The following TPST2 variants were observed in gnomAD, a reference collection of about 807,000 sequenced individuals.
TPST2 encodes tyrosylprotein sulfotransferase 2.
TPST2 carries 16 observed loss-of-function variants against 27.8 expected under a neutral mutation model. The observed-to-expected ratio is 0.58, with a 90% CI of 0.39 to 0.88. The LOEUF is 0.88. Among genes scored for constraint, TPST2 ranks in the 40% least tolerant of loss-of-function variants. TPST2 has a pLI of 0.00. For synonymous variants in TPST2, 229 were observed against 231.7 expected (o/e 0.99, Z 0.10); for missense variants, 464 against 543.1 (o/e 0.85, Z 1.45).
At chr22:26,548,252 G>T (rs1027438834) in intron 1 of TPST2, among the ~76,000 whole-genome samples, 4 of 150,790 alleles carry the variant, frequency 2.7e-5, no homozygotes, top group African/African-American at 9.8e-5. Flanking sequence ...CGAGGTGGGA[G>T]AATCACTTAA....
At chr22:26,585,983 G>C (rs6005088) in intron 1 of TPST2, among the ~76,000 whole-genome samples, 134,564 of 152,080 alleles carry the variant, frequency 0.88, 59,699 homozygotes, top group East Asian at 0.99. Context: ...GTAGAGCTTG[G>C]AGTGAGCCGA....
At chr22:26,550,731 C>A in intron 1 of TPST2, 1 of 872,726 alleles carries the variant, frequency 1.1e-6, no homozygotes, top group Non-Finnish European at 1.4e-6. Context: ...CTGACCACAC[C>A]AACTCCCACC....
intron 1 of TPST2, among the ~76,000 whole-genome samples, chr22:26,582,095 AAC>A (rs1219444005): frequency 6.6e-6 from 1 of 152,184 alleles, no homozygotes; most frequent in Non-Finnish European, 1.5e-5. Flanking sequence ...ACTGGTTAGA[AAC>A]ACAGTCTTAG....
intron 1 of TPST2, among the ~76,000 whole-genome samples, chr22:26,566,280 C>A (rs1326476748): frequency 6.6e-6 from 1 of 151,980 alleles, no homozygotes; most frequent in African/African-American, 2.4e-5. Context: ...AGGCTGGGTG[C>A]GGTGGCTCAC....
At chr22:26,545,675 T>A (rs1926077463) in intron 1 of TPST2, among the ~76,000 whole-genome samples, 1 of 152,216 alleles carries the variant, frequency 6.6e-6, no homozygotes, top group African/African-American at 2.4e-5. Flanking sequence ...GGAATGCAGC[T>A]CTGGAGTTGG....
intron 5 of TPST2, among the ~76,000 whole-genome samples, chr22:26,528,924 G>C (rs1365644107): frequency 6.6e-6 from 1 of 151,990 alleles, no homozygotes; most frequent in African/African-American, 2.4e-5. Context: ...AGAGGTTGCA[G>C]TGAGCCAAGA....
At chr22:26,558,085 ATT>A (rs966660678) in intron 1 of TPST2, among the ~76,000 whole-genome samples, 15 of 144,340 alleles carry the variant, frequency 1.0e-4, no homozygotes, top group South Asian at 6.5e-4. Context: ...ATATATATAT[ATT>A]GTATAAAAAT....
intron 4 of TPST2, among the ~76,000 whole-genome samples, chr22:26,535,743 C>T (rs1263459663): frequency 6.6e-6 from 1 of 152,190 alleles, no homozygotes; most frequent in Non-Finnish European, 1.5e-5. Context: ...CCAGTGCACC[C>T]AGCTTGGGCA....
At chr22:26,586,406 C>T (rs1018106889) in intron 1 of TPST2, among the ~76,000 whole-genome samples, 4 of 152,066 alleles carry the variant, frequency 2.6e-5, no homozygotes, top group Admixed American at 6.6e-5. Context: ...CGCACCACCA[C>T]GCCTGGCTAA....
chr22:26,532,882 C>G, intron 4 of TPST2, 137 bp from the exon 5 acceptor site: 1 of 738,506 alleles, frequency 1.4e-6, no homozygotes, highest in Non-Finnish European at 2.3e-6. Context: ...ATTGCTTAAG[C>G]TCCTCTTCTT....
chr22:26,542,144 C>T (rs961238168), intron 2 of TPST2, among the ~76,000 whole-genome samples: 5 of 150,004 alleles, frequency 3.3e-5, no homozygotes, highest in South Asian at 4.4e-4. Flanking sequence ...CGGGAGGCTG[C>T]GGCAGGAGAA....
At chr22:26,580,349 A>G (rs748758985) in intron 1 of TPST2, among the ~76,000 whole-genome samples, 36 of 152,210 alleles carry the variant, frequency 2.4e-4, no homozygotes, top group Non-Finnish European at 4.1e-4. Flanking sequence ...ACGGGCACCT[A>G]CATCCCTGCA....
chr22:26,533,492 A>G (rs1925279292), intron 4 of TPST2, among the ~76,000 whole-genome samples: 2 of 152,126 alleles, frequency 1.3e-5, no homozygotes, highest in South Asian at 4.1e-4. Flanking sequence ...CCCAAACGAC[A>G]AGGAAAAATA....
At chr22:26,575,499 T>A (rs1299334008) in intron 1 of TPST2, among the ~76,000 whole-genome samples, 1 of 152,166 alleles carries the variant, frequency 6.6e-6, no homozygotes, top group East Asian at 1.9e-4. Context: ...ACAGCGACAC[T>A]ATCATTTCTA....
At chr22:26,566,842 C>T (rs1927401197) in intron 1 of TPST2, among the ~76,000 whole-genome samples, 1 of 152,218 alleles carries the variant, frequency 6.6e-6, no homozygotes, top group South Asian at 2.1e-4. Context: ...TCTTCCCCCG[C>T]TCATATCGTA....
intron 1 of TPST2, among the ~76,000 whole-genome samples, chr22:26,583,627 A>G (rs1928211123): frequency 6.6e-6 from 1 of 151,340 alleles, no homozygotes; most frequent in Non-Finnish European, 1.5e-5. Flanking sequence ...AGGCCAAGGC[A>G]GGCGGAGTTC....
rs1398888461 is a variant in TPST2, at chr22:26,522,555, T to A, written c.*3720A>T. ...GGAATTAATCAAAAAAGTTAGTATG[T>A]ATGCCTTTCACCCCAGCAATTCTAC... On this transcript the variant is annotated 3_prime_UTR_variant, in exon 7 of 7. Transcript: ENST00000338754. 1 of 152,188 alleles carries A rather than the reference T, an allele frequency of 6.6e-6. No homozygotes were observed. The highest frequency in any genetic ancestry group is 1.9e-4 in the East Asian group (1 of 5,198). The allele number at this position is 152,188 out of a possible 1,614,324, so 9.4% of individuals were successfully genotyped here.
At chr22:26,585,112 A>G (rs954635925) in intron 1 of TPST2, among the ~76,000 whole-genome samples, 3 of 152,230 alleles carry the variant, frequency 2.0e-5, no homozygotes, top group Non-Finnish European at 2.9e-5. Context: ...AACAGCCAAC[A>G]GCCCCAGAAA....
At chr22:26,569,815 G>T (rs1927528997) in intron 1 of TPST2, among the ~76,000 whole-genome samples, 1 of 151,506 alleles carries the variant, frequency 6.6e-6, no homozygotes, top group African/African-American at 2.4e-5. Flanking sequence ...GCCGGGCGTG[G>T]TCGCAGGCAC....
Sources: allele counts gnomAD v4.1 joint callset (sites outside exome capture counted in the v4.1 genomes callset), GRCh38; gene constraint gnomAD v4.1.1; transcripts MANE v1.5; gene names NCBI Gene and HGNC (gene_info 2026-07-23, HGNC 2026-07-21).